Variants in SYNE3 observed in about 807,000 individuals in gnomAD.
SYNE3 encodes spectrin repeat containing nuclear envelope family member 3.
In SYNE3, 100 loss-of-function variants were observed where a neutral mutation model predicts 111.2. The ratio of observed to expected loss-of-function variants is 0.90; its 90% confidence interval spans 0.77 to 1.06. SYNE3 has a LOEUF of 1.06. Among genes scored for constraint, SYNE3 ranks in the 50% least tolerant of loss-of-function variants. SYNE3 has a pLI of 0.00. For synonymous variants in SYNE3, 547 were observed against 533.9 expected (o/e 1.02, Z -0.34); for missense variants, 1,160 against 1,240.3 (o/e 0.94, Z 0.97).
chr14:95,483,981 G>A (rs1269570264), intron 1 of SYNE3, among the ~76,000 whole-genome samples: 2 of 152,214 alleles, frequency 1.3e-5, no homozygotes, highest in African/African-American at 4.8e-5. Context: ...GTCACAGACC[G>A]GTGGTGTCTG....
chr14:95,507,727 G>A (rs138601701), intron 1 of SYNE3, among the ~76,000 whole-genome samples: 1 of 152,344 alleles, frequency 6.6e-6, no homozygotes, highest in Non-Finnish European at 1.5e-5. Context: ...GCTGCCTGGT[G>A]CTGGATAAAT....
chr14:95,423,488 G>A (rs1372336405), intron 17 of SYNE3, among the ~76,000 whole-genome samples: 1 of 151,458 alleles, frequency 6.6e-6, no homozygotes, highest in African/African-American at 2.4e-5. Context: ...TAGGGGCACG[G>A]GGATTTGATG....
chr14:95,506,164 AATTACTAGT>A (rs970605912), intron 1 of SYNE3, among the ~76,000 whole-genome samples: 4 of 152,210 alleles, frequency 2.6e-5, no homozygotes, highest in Admixed American at 2.6e-4. Flanking sequence ...TTATCCTGGC[AATTACTAGT>A]AGCCCCTAAT....
intron 4 of SYNE3, among the ~76,000 whole-genome samples, chr14:95,459,425 TG>T (rs1887656478): frequency 6.6e-6 from 1 of 151,990 alleles, no homozygotes; most frequent in African/African-American, 2.4e-5. Flanking sequence ...ATTAGCAGGG[TG>T]TGGTGGTGTG....
chr14:95,441,998 T>C (rs1886439546), intron 11 of SYNE3, among the ~76,000 whole-genome samples: 2 of 152,188 alleles, frequency 1.3e-5, no homozygotes, highest in Non-Finnish European at 2.9e-5. Flanking sequence ...TCTACAGCAG[T>C]AAAAAACCTG....
In SYNE3 at chr14:95,466,088, T is replaced by C. The variant is rs540187127; in HGVS notation, c.470A>G (p.Gln157Arg). 3 of 1,613,314 alleles carry C rather than the reference T, an allele frequency of 1.9e-6. No homozygotes were observed. The South Asian group carries it at 3.3e-5, about 18-fold the overall frequency. The change falls in exon 4 of 18, where the codon CAG becomes CGG. Residue 157 changes from glutamine (Q) to arginine (R), a missense_variant. Physicochemically the swap from Gln to Arg is conservative, Grantham distance 43. Coordinates refer to ENST00000682763, the MANE Select transcript of SYNE3 (RefSeq NM_152592.6). The stretch of plus-strand genomic sequence containing the variant: ...GTTGTCCACGTTGTGCAGCAGCACC[T>C]GGGCGTGGCTCAGCTGCCACTGCTT... ...KEKQWQLSHA[Q>R]VLLHNVDNQA...
chr14:95,434,782 C>T (rs1247312720), intron 15 of SYNE3, among the ~76,000 whole-genome samples: 8 of 152,158 alleles, frequency 5.3e-5, no homozygotes, highest in African/African-American at 1.7e-4. Context: ...CTTAGCCTCC[C>T]GAATAGCTGG....
At chr14:95,460,153 G>A (rs1396039329) in intron 4 of SYNE3, among the ~76,000 whole-genome samples, 1 of 152,102 alleles carries the variant, frequency 6.6e-6, no homozygotes, top group Non-Finnish European at 1.5e-5. Context: ...CTGGGGTTGT[G>A]AAAAAGAGAA....
intron 1 of SYNE3, among the ~76,000 whole-genome samples, chr14:95,506,887 G>T (rs564746673): frequency 2.6e-5 from 4 of 152,310 alleles, no homozygotes; most frequent in South Asian, 2.1e-4. Flanking sequence ...GCTCAGATCT[G>T]CAGGATTCCA....
At position 95,485,977 on chromosome 14, in the gene SYNE3, A is replaced by AG. The variant is rs977740670; in HGVS notation, c.-14-10143dup. On this transcript the variant is annotated intron_variant, in intron 1 of 17. Coordinates refer to ENST00000682763, the MANE Select transcript of SYNE3 (RefSeq NM_152592.6). The surrounding 1 kb of genome is among the most constrained non-coding windows in gnomAD (Gnocchi z 4.3). ...AGGTGCAGACAGCAGCCTGCACTCA[A>AG]GGGGTACACTGCACCCCCACCACCC... Among the ~76,000 whole-genome samples the AG allele has an allele frequency of 2.0e-4, 30 of 152,098 alleles. No individual in the cohort carries two copies. Among genetic ancestry groups the AG allele is most frequent in the African/African-American group, 6.5e-4 (27 of 41,390 alleles).
intron 1 of SYNE3, among the ~76,000 whole-genome samples, chr14:95,501,313 A>G (rs551813511): frequency 1.1e-4 from 16 of 152,300 alleles, no homozygotes; most frequent in African/African-American, 3.9e-4. Context: ...CAACAGCACA[A>G]AGTCCTTACC....
intron 1 of SYNE3, among the ~76,000 whole-genome samples, chr14:95,490,329 C>T (rs1463492811): frequency 6.6e-6 from 1 of 152,210 alleles, no homozygotes; most frequent in Non-Finnish European, 1.5e-5. Context: ...GGAGTAAATG[C>T]TATATTGTTC....
intron 1 of SYNE3, among the ~76,000 whole-genome samples, chr14:95,484,969 C>A (rs143243370): frequency 5.9e-5 from 9 of 152,128 alleles, no homozygotes; most frequent in Non-Finnish European, 1.3e-4. Context: ...ATCCCACCCC[C>A]AATTTATAAA....
chr14:95,481,760 T>C (rs990472414), intron 1 of SYNE3, among the ~76,000 whole-genome samples: 4 of 152,234 alleles, frequency 2.6e-5, no homozygotes, highest in Non-Finnish European at 5.9e-5. Context: ...ATCGGGTAAC[T>C]GTGAATGTCC....
chr14:95,491,064 G>A (rs1426218317), intron 1 of SYNE3, among the ~76,000 whole-genome samples: 2 of 152,208 alleles, frequency 1.3e-5, no homozygotes, highest in Non-Finnish European at 2.9e-5. Flanking sequence ...GGCAGGACTG[G>A]CTGTTCTTGG....
chr14:95,458,540 G>C (rs182467520), intron 4 of SYNE3, among the ~76,000 whole-genome samples: 3 of 152,088 alleles, frequency 2.0e-5, no homozygotes. Context: ...CACCTCCAGC[G>C]GGTAACCAAC....
intron 3 of SYNE3, among the ~76,000 whole-genome samples, chr14:95,467,558 G>GGA: frequency 6.6e-6 from 1 of 152,330 alleles, no homozygotes; most frequent in South Asian, 2.1e-4. Flanking sequence ...TGCACACACG[G>GGA]TAAGTCTCTT....
At chr14:95,514,696 C>T (rs1016603181) in intron 1 of SYNE3, among the ~76,000 whole-genome samples, 5 of 152,246 alleles carry the variant, frequency 3.3e-5, no homozygotes, top group African/African-American at 4.8e-5. Flanking sequence ...CAGCCAGGAA[C>T]GGGCTAAGGC....
chr14:95,447,205 C>T (rs1886772363), intron 8 of SYNE3, among the ~76,000 whole-genome samples: 1 of 149,894 alleles, frequency 6.7e-6, no homozygotes, highest in African/African-American at 2.5e-5. Context: ...ACGATCTCAG[C>T]TCACTGCAAG....
Sources: allele counts gnomAD v4.1 joint callset (sites outside exome capture counted in the v4.1 genomes callset), GRCh38; gene constraint gnomAD v4.1.1; non-coding constraint Gnocchi (gnomAD v3.1); transcripts MANE v1.5; gene names NCBI Gene and HGNC (gene_info 2026-07-23, HGNC 2026-07-21).